Variants in MEI4 observed in about 807,000 individuals in gnomAD.
The protein encoded by MEI4 is meiosis-specific protein MEI4.
MEI4 carries 27 observed loss-of-function variants against 31.4 expected under a neutral mutation model. The ratio of observed to expected loss-of-function variants is 0.86; its 90% CI spans 0.63 to 1.19. The LOEUF (loss-of-function observed/expected upper bound fraction) is 1.19, where lower values mean the gene tolerates loss of function less well. MEI4 is among the 50% of genes most tolerant of loss of function. The pLI is 0.00. For missense variants in MEI4, 329 were observed against 398.9 expected, an observed-to-expected ratio of 0.82 and a Z score of 1.49; for synonymous variants, 122 against 145.4, an observed-to-expected ratio of 0.84 and a Z score of 1.16.
intron 3 of MEI4, among the ~76,000 whole-genome samples, chr6:77,816,958 A>G (rs1769703635): frequency 6.6e-6 from 1 of 152,088 alleles, no homozygotes; most frequent in Non-Finnish European, 1.5e-5. Flanking sequence ...ATCCAGTCAT[A>G]TTATTGAATG....
At position 77,840,563 on chromosome 6, in the gene MEI4, AAAACT is replaced by A. The variant is rs531509243; in HGVS notation, c.900+11505_900+11509del. ...CAAACACATCATCATAAACTTCTTGAAAACTAAAGATAATTCTTTCTCCTTTTATA... is the reference window on the plus strand; with the variant it reads ...CAAACACATCATCATAAACTTCTTGAAAAGATAATTCTTTCTCCTTTTATA... On this transcript the variant is annotated intron_variant, in intron 4 of 4. Coordinates refer to ENST00000684080, the MANE Select transcript of MEI4 (RefSeq NM_001322247.2). Among the ~76,000 whole-genome samples the A allele has an allele frequency of 7.9e-5, 12 of 152,298 alleles. No homozygotes were observed. In the South Asian group the frequency reaches 2.3e-3, roughly 29 times the overall value.
rs1294755930 is a variant in MEI4, at chr6:77,705,929, C to A, written c.232+15026C>A. Among the ~76,000 whole-genome samples the A allele has an allele frequency of 2.0e-5, 3 of 152,130 alleles. No homozygotes were observed. The East Asian group carries it at 5.8e-4, about 29-fold the overall frequency. ...TTGTGAGCTGCTTTAAGTCATTGAGCAGATCCATTGTTTCACAGTTTTGTG... is the reference window on the plus strand; with the variant it reads ...TTGTGAGCTGCTTTAAGTCATTGAGAAGATCCATTGTTTCACAGTTTTGTG... On this transcript the variant is annotated intron_variant, in intron 2 of 4. Transcript: ENST00000684080.
At chr6:77,749,959 A>G (rs1288992763) in intron 2 of MEI4, among the ~76,000 whole-genome samples, 3 of 152,210 alleles carry the variant, frequency 2.0e-5, no homozygotes, top group African/African-American at 4.8e-5. Context: ...AGTGGGGGCC[A>G]ATATTCAACA....
chr6:77,868,499 CTACATATATATA>C (rs1487848494), intron 4 of MEI4, among the ~76,000 whole-genome samples: 11 of 61,730 alleles, frequency 1.8e-4, no homozygotes, highest in South Asian at 7.0e-4. Context: ...GTAAAAAATA[CTACATATATATA>C]TATATATATA....
chr6:77,863,974 C>G (rs1244555191), intron 4 of MEI4, among the ~76,000 whole-genome samples: 1 of 152,094 alleles, frequency 6.6e-6, no homozygotes, highest in Non-Finnish European at 1.5e-5. Flanking sequence ...CATATCCAGC[C>G]AAACTAAGCT....
At chr6:77,797,850 G>T (rs1769122548) in intron 3 of MEI4, among the ~76,000 whole-genome samples, 1 of 151,994 alleles carries the variant, frequency 6.6e-6, no homozygotes, top group African/African-American at 2.4e-5. Context: ...ATCTCCTCTG[G>T]CAAAACCCTC....
chr6:77,708,131 C>T (rs1469440330), intron 2 of MEI4, among the ~76,000 whole-genome samples: 2 of 152,164 alleles, frequency 1.3e-5, no homozygotes, highest in South Asian at 2.1e-4. Context: ...CCATTGGCAA[C>T]GTGCACCCTG....
At chr6:77,680,474 A>G (rs1003387893) in intron 1 of MEI4, among the ~76,000 whole-genome samples, 11 of 152,124 alleles carry the variant, frequency 7.2e-5, no homozygotes, top group African/African-American at 2.7e-4. Context: ...ACTTATTCAC[A>G]GAACCTGGAA....
At chr6:77,813,285 GTTTCC>G (rs1039809063) in intron 3 of MEI4, among the ~76,000 whole-genome samples, 1 of 152,076 alleles carries the variant, frequency 6.6e-6, no homozygotes, top group African/African-American at 2.4e-5. Flanking sequence ...CTATGAATGA[GTTTCC>G]TTTCATTTGC....
intron 2 of MEI4, among the ~76,000 whole-genome samples, chr6:77,744,394 T>G (rs952563147): frequency 1.9e-4 from 29 of 151,764 alleles, no homozygotes; most frequent in African/African-American, 7.0e-4. Context: ...ATGAATGAAA[T>G]GAAGCGACAA....
At chr6:77,904,282 A>G (rs1331807174) in intron 4 of MEI4, among the ~76,000 whole-genome samples, 1 of 152,168 alleles carries the variant, frequency 6.6e-6, no homozygotes, top group Non-Finnish European at 1.5e-5. Context: ...TTTTAAGCTG[A>G]TAACAACGTA....
intron 4 of MEI4, among the ~76,000 whole-genome samples, chr6:77,867,550 T>C (rs1211018556): frequency 6.6e-6 from 1 of 152,164 alleles, no homozygotes; most frequent in Non-Finnish European, 1.5e-5. Context: ...TGGCAATCAT[T>C]AAGAAGTCAG....
intron 3 of MEI4, among the ~76,000 whole-genome samples, chr6:77,780,660 C>T (rs1768570795): frequency 6.6e-6 from 1 of 152,136 alleles, no homozygotes; most frequent in Non-Finnish European, 1.5e-5. Context: ...TTTATGTCTT[C>T]TCTATATCAT....
intron 4 of MEI4, among the ~76,000 whole-genome samples, chr6:77,897,591 A>C (rs999753422): frequency 1.3e-5 from 2 of 151,978 alleles, no homozygotes; most frequent in African/African-American, 4.8e-5. Flanking sequence ...ATACGAAAAA[A>C]GGGTAAAATG....
chr6:77,910,360 T>A (rs1766404675), intron 4 of MEI4, among the ~76,000 whole-genome samples: 1 of 152,158 alleles, frequency 6.6e-6, no homozygotes, highest in Non-Finnish European at 1.5e-5. Context: ...TTCAGCAAAG[T>A]CTCAAGATTC....
At chr6:77,868,499 C>CTATATATA (rs71558933) in intron 4 of MEI4, among the ~76,000 whole-genome samples, 1,986 of 61,638 alleles carry the variant, frequency 0.032, 172 homozygotes, top group African/African-American at 0.051. Context: ...GTAAAAAATA[C>CTATATATA]TACATATATA....
At chr6:77,739,722 T>G (rs1266887185) in intron 2 of MEI4, among the ~76,000 whole-genome samples, 2 of 151,986 alleles carry the variant, frequency 1.3e-5, no homozygotes, top group Non-Finnish European at 2.9e-5. Context: ...ATCCCAGAAC[T>G]TAGAATTAAA....
chr6:77,740,026 T>C (rs1767358208), intron 2 of MEI4, among the ~76,000 whole-genome samples: 1 of 152,194 alleles, frequency 6.6e-6, no homozygotes, highest in Non-Finnish European at 1.5e-5. Context: ...TTTCAAACAA[T>C]TTATTGATTT....
intron 3 of MEI4, among the ~76,000 whole-genome samples, chr6:77,764,322 T>A (rs890131708): frequency 6.6e-6 from 1 of 152,216 alleles, no homozygotes; most frequent in East Asian, 1.9e-4. Context: ...TAATACCTCC[T>A]TTTTGATTTC....
Sources: gnomAD v4.1 joint callset for allele counts (sites outside exome capture counted in the v4.1 genomes callset) on GRCh38, gnomAD v4.1.1 for gene constraint, MANE v1.5 for transcripts, NCBI Gene and HGNC (gene_info 2026-07-23, HGNC 2026-07-21) for gene names.